Variants in ANKIB1 observed in about 807,000 individuals in gnomAD.
ANKIB1 encodes the protein ankyrin repeat and IBR domain containing 1, also known as ankyrin repeat and IBR domain-containing protein 1.
A neutral mutation model predicts 122.1 loss-of-function variants in ANKIB1; 43 were observed. That is an observed-to-expected ratio of 0.35 (90% CI 0.28 to 0.45). The LOEUF (loss-of-function observed/expected upper bound fraction) is 0.45. ANKIB1 is among the 20% of genes least tolerant of loss of function. The pLI is 1.00. For missense variants in ANKIB1, 992 were observed against 1,329.5 expected, an observed-to-expected ratio of 0.75 and a Z score of 3.95; for synonymous variants, 390 against 442.0, an observed-to-expected ratio of 0.88 and a Z score of 1.48.
At chr7:92,368,257 C>T (rs1246839584) in intron 10 of ANKIB1, among the ~76,000 whole-genome samples, 3 of 151,360 alleles carry the variant, frequency 2.0e-5, no homozygotes, top group Non-Finnish European at 1.5e-5. Flanking sequence ...TACTCTAATA[C>T]TTTATTATGA....
In ANKIB1 at chr7:92,337,361, T is replaced by C. The variant is rs1803311102; in HGVS notation, c.788-5663T>C. On this transcript the variant is annotated intron_variant, in intron 5 of 19. Coordinates refer to ENST00000265742, the MANE Select transcript of ANKIB1 (RefSeq NM_019004.2). The stretch of plus-strand genomic sequence containing the variant: ...GATTCTGTTTATCGTGTTAAAACAG[T>C]ATCTTTTTCTTACTATTTAAGAGCT... Among the ~76,000 whole-genome samples, 3 of 152,340 alleles carry C rather than the reference T, an allele frequency of 2.0e-5. No individual in the cohort carries two copies. In the South Asian group the frequency reaches 6.2e-4, roughly 32 times the overall value.
Position 92,391,309 on chromosome 7 carries a change from A to C in ANKIB1, c.2196A>C (p.Val732=). The part of the protein sequence containing the change: ...QEFLASVARG[V]APADSPEAPR... Reference sequence around the variant, plus strand: ...TCCTGGCATCTGTGGCTCGGGGAGTAGCTCCTGCAGACTCACCAGAAGCTC... The same window carrying C: ...TCCTGGCATCTGTGGCTCGGGGAGTCGCTCCTGCAGACTCACCAGAAGCTC... The change falls in exon 16 of 20, where the codon GTA becomes GTC. Residue 732 remains valine (V), a synonymous_variant. Coordinates refer to ENST00000265742, the MANE Select transcript of ANKIB1 (RefSeq NM_019004.2). The C allele has an allele frequency of 1.2e-6, 2 of 1,613,194 alleles. No homozygotes were observed. Among genetic ancestry groups the C allele is most frequent in the Non-Finnish European group, 1.7e-6 (2 of 1,179,486 alleles).
chr7:92,352,699 A>AAG lies in ANKIB1; in HGVS notation c.1397+59_1397+60dup, dbSNP rs763357728. On this transcript the variant is annotated intron_variant, in intron 9 of 19. Coordinates refer to ENST00000265742, the MANE Select transcript of ANKIB1 (RefSeq NM_019004.2). ...TCACCTTTCTTTCCAATAGTTATTA[A>AAG]AGACTTTGCACCTTGAGTCAGGCCT... 6.2e-5 allele frequency: 95 copies of AAG among 1,527,512 alleles called. 1 individual carries two copies. In the African/African-American group the frequency reaches 1.1e-3, roughly 18 times the overall value. 94.6% of individuals were successfully genotyped at this position (1,527,512 alleles called of 1,614,324 possible).
At chr7:92,278,038 C>G (rs1231457477) in intron 1 of ANKIB1, among the ~76,000 whole-genome samples, 1 of 150,716 alleles carries the variant, frequency 6.6e-6, no homozygotes, top group Non-Finnish European at 1.5e-5. Flanking sequence ...GAGCAGAGAT[C>G]GTGCCACTGC....
At chr7:92,281,953 T>C (rs1802019199) in intron 1 of ANKIB1, among the ~76,000 whole-genome samples, 1 of 152,188 alleles carries the variant, frequency 6.6e-6, no homozygotes, top group African/African-American at 2.4e-5. Flanking sequence ...AAACATAGAA[T>C]TCACTTTTTA....
chr7:92,321,742 G>T (rs534109002), intron 4 of ANKIB1, among the ~76,000 whole-genome samples: 1 of 152,020 alleles, frequency 6.6e-6, no homozygotes, highest in East Asian at 1.9e-4. Context: ...CAACAATTTC[G>T]GAGCTTTATA....
rs1585105918 is a variant in ANKIB1, at chr7:92,320,983, A to G, written c.669+1471A>G. Among the ~76,000 whole-genome samples, 3 of 152,108 alleles carry G rather than the reference A, an allele frequency of 2.0e-5. No individual in the cohort carries two copies. The South Asian group carries it at 6.2e-4, about 32-fold the overall frequency. ...TTGCTCTAATTGTAATACCTAGACT[A>G]CACCAAGGCATTTGCAGTTGTTCTT... is the stretch of plus-strand genomic sequence containing the variant. On this transcript the variant is annotated intron_variant, in intron 4 of 19. Transcript: ENST00000265742.
chr7:92,343,055 G>C lies in ANKIB1; in HGVS notation c.819G>C (p.Trp273Cys). Residue 273 changes from tryptophan to cysteine, a missense_variant, in exon 6 of 20, where the codon TGG (tryptophan) becomes TGC (cysteine). By Grantham distance (215) the Trp-to-Cys change is radical. Around this residue, in one of 4 missense-constraint regions of ANKIB1, gnomAD observed 521 missense variants for 777.7 expected, o/e 0.67. Transcript: ENST00000265742. ...ACAGGGAGAAATTACTTGAAGCTTGGATGTCCAACCCGGAGAACTGCTGCC... is the reference window on the plus strand; with the variant it reads ...ACAGGGAGAAATTACTTGAAGCTTGCATGTCCAACCCGGAGAACTGCTGCC... The part of the protein sequence containing the change: ...DWDREKLLEA[W>C]MSNPENCCQR... 1 of 1,613,752 alleles carries C rather than the reference G, an allele frequency of 6.2e-7. No homozygotes were observed. Among genetic ancestry groups the C allele is most frequent in the Non-Finnish European group, 8.5e-7 (1 of 1,179,840 alleles).
chr7:92,258,545 CT>C (rs1281950722), intron 1 of ANKIB1, among the ~76,000 whole-genome samples: 1 of 152,144 alleles, frequency 6.6e-6, no homozygotes, highest in Non-Finnish European at 1.5e-5. Context: ...TGTTTCTCTC[CT>C]GTGTCTTAGA....
At chr7:92,327,750 G>A in intron 4 of ANKIB1, 33 bp from the exon 5 acceptor site, 1 of 1,198,354 alleles carries the variant, frequency 8.3e-7, no homozygotes, top group Non-Finnish European at 1.2e-6. Flanking sequence ...TGAGTATAAT[G>A]CCCATTTAAC....
intron 7 of ANKIB1, among the ~76,000 whole-genome samples, chr7:92,348,982 G>A (rs901853668): frequency 6.6e-6 from 1 of 152,184 alleles, no homozygotes; most frequent in Non-Finnish European, 1.5e-5. Context: ...AATGAGATGG[G>A]CTTGAGGAAG....
intron 11 of ANKIB1, among the ~76,000 whole-genome samples, chr7:92,378,946 G>C (rs1804447965): frequency 6.6e-6 from 1 of 152,084 alleles, no homozygotes; most frequent in African/African-American, 2.4e-5. Context: ...CATTTATCTG[G>C]AAACAAATTT....
At chr7:92,254,212 A>T (rs746189056) in intron 1 of ANKIB1, among the ~76,000 whole-genome samples, 6 of 152,196 alleles carry the variant, frequency 3.9e-5, no homozygotes, top group Non-Finnish European at 8.8e-5. Context: ...ACTGCTAGCC[A>T]ACCTACAGAG....
chr7:92,300,059 C>T (rs761301158), intron 2 of ANKIB1, among the ~76,000 whole-genome samples: 8 of 152,242 alleles, frequency 5.3e-5, no homozygotes, highest in African/African-American at 1.7e-4. Flanking sequence ...CACCCTTCCT[C>T]GGCCTCCCAA....
At position 92,246,246 on chromosome 7, in the gene ANKIB1, A is replaced by G. The variant is rs1386846703; in HGVS notation, c.-364A>G. 6 of 381,328 alleles carry G rather than the reference A, an allele frequency of 1.6e-5. No homozygotes were observed. Among genetic ancestry groups the G allele is most frequent in the Non-Finnish European group, 3.0e-5 (6 of 200,620 alleles). The allele number at this position is 381,328 out of a possible 1,614,324, so 23.6% of individuals were successfully genotyped here. A position where few individuals can be genotyped will look rare whatever the true frequency, so the allele number is the denominator to read the frequency against. On this transcript the variant is annotated 5_prime_UTR_variant, in exon 1 of 20. Coordinates refer to ENST00000265742, the MANE Select transcript of ANKIB1 (RefSeq NM_019004.2). ...CCGAGTGAGGCGGCGCAGCGGCCGG[A>G]GAGGGATGGGGGGCGCCCACCCAGT...
At chr7:92,320,771 G>A (rs950769365) in intron 4 of ANKIB1, among the ~76,000 whole-genome samples, 6 of 151,952 alleles carry the variant, frequency 3.9e-5, no homozygotes, top group Admixed American at 6.6e-5. Context: ...TGTATCTTTA[G>A]AATCCATATT....
chr7:92,389,411 T>C (rs1482102517), intron 14 of ANKIB1, among the ~76,000 whole-genome samples: 5 of 152,104 alleles, frequency 3.3e-5, no homozygotes, highest in Non-Finnish European at 7.4e-5. Flanking sequence ...GTCTCAGATA[T>C]TAAGGCAATT....
At chr7:92,299,447 A>C (rs1035825268) in intron 2 of ANKIB1, among the ~76,000 whole-genome samples, 7 of 152,224 alleles carry the variant, frequency 4.6e-5, no homozygotes, top group Admixed American at 3.9e-4. Flanking sequence ...ACTGCAACTA[A>C]TCTTTAAGAA....
chr7:92,386,004 CAT>C (rs1804634508), intron 11 of ANKIB1, among the ~76,000 whole-genome samples: 1 of 152,164 alleles, frequency 6.6e-6, no homozygotes, highest in Admixed American at 6.6e-5. Flanking sequence ...ACTGAATGCT[CAT>C]ATTTTTGGCA....
Sources: gnomAD v4.1 joint callset for allele counts (sites outside exome capture counted in the v4.1 genomes callset) on GRCh38, gnomAD v4.1.1 for gene constraint, gnomAD v4.1.1 regional missense constraint, MANE v1.5 for transcripts, NCBI Gene and HGNC (gene_info 2026-07-23, HGNC 2026-07-21) for gene names.